SLC14A2: variants seen among roughly 807,000 people sequenced by gnomAD.
SLC14A2 encodes urea transporter 2.
In SLC14A2, 91 loss-of-function variants were observed where a neutral mutation model predicts 104.6. The ratio of observed to expected loss-of-function variants is 0.87; its 90% CI spans 0.73 to 1.04. The LOEUF (loss-of-function observed/expected upper bound fraction) is 1.04, where lower values mean the gene tolerates loss of function less well. Ranked by LOEUF, SLC14A2 falls within the 50% of genes least tolerant of loss-of-function variation. The pLI is 0.00. For missense variants in SLC14A2, 1,189 were observed against 1,156.0 expected (o/e 1.03, Z -0.41); for synonymous variants, 476 against 466.4 (o/e 1.02, Z -0.27).
At chr18:45,362,370 A>G (rs2144330237) in intron 1 of SLC14A2, among the ~76,000 whole-genome samples, 1 of 152,302 alleles carries the variant, frequency 6.6e-6, no homozygotes, top group Non-Finnish European at 1.5e-5. Flanking sequence ...GATCTCCTCC[A>G]CTGACAGGAA....
intron 1 of SLC14A2, among the ~76,000 whole-genome samples, chr18:45,421,365 A>G (rs1366572948): frequency 3.3e-5 from 5 of 151,788 alleles, no homozygotes; most frequent in Admixed American, 1.3e-4. Flanking sequence ...ACAGTTTTGC[A>G]TAATATTTAA....
chr18:45,433,160 T>G (rs150597136), intron 1 of SLC14A2, among the ~76,000 whole-genome samples: 1,832 of 152,186 alleles, frequency 0.012, 26 homozygotes, highest in South Asian at 0.072. Context: ...ACCCCAACAT[T>G]TACTACCAAG....
intron 1 of SLC14A2, among the ~76,000 whole-genome samples, chr18:45,340,632 A>C (rs2085384365): frequency 6.6e-6 from 1 of 152,214 alleles, no homozygotes; most frequent in African/African-American, 2.4e-5. Flanking sequence ...TTACAATACA[A>C]CTTTCCTGGT....
At chr18:45,567,043 A>G (rs1318080899) in intron 2 of SLC14A2, among the ~76,000 whole-genome samples, 2 of 147,628 alleles carry the variant, frequency 1.4e-5, no homozygotes, top group Non-Finnish European at 3.0e-5. Flanking sequence ...ATAGCTGAGG[A>G]CATGTGCACA....
At chr18:45,226,732 G>A (rs1300697264) in intron 1 of SLC14A2, among the ~76,000 whole-genome samples, 1 of 151,826 alleles carries the variant, frequency 6.6e-6, no homozygotes, top group Non-Finnish European at 1.5e-5. Context: ...GAGTTAATGG[G>A]TGCAGCACAC....
At chr18:45,536,221 A>C (rs931048512) in intron 2 of SLC14A2, among the ~76,000 whole-genome samples, 3 of 152,348 alleles carry the variant, frequency 2.0e-5, no homozygotes, top group African/African-American at 7.2e-5. Flanking sequence ...GATGGCTCTG[A>C]GACAAGAGTG....
intron 1 of SLC14A2, among the ~76,000 whole-genome samples, chr18:45,443,330 A>G (rs1193948891): frequency 6.6e-6 from 1 of 152,254 alleles, no homozygotes; most frequent in Non-Finnish European, 1.5e-5. Context: ...TAGGTTCAGC[A>G]AAGTAAGGAT....
chr18:45,242,051 T>A (rs2084323429), intron 1 of SLC14A2, among the ~76,000 whole-genome samples: 1 of 152,104 alleles, frequency 6.6e-6, no homozygotes, highest in South Asian at 2.1e-4. Context: ...CCTAGGACAG[T>A]GTTTCAGAGC....
Position 45,410,632 on chromosome 18 carries a change from TG to T in SLC14A2, c.-124-72600del, listed in dbSNP as rs370001865. 6.6e-3 allele frequency among the ~76,000 whole-genome samples: 1,009 copies of T among 152,298 alleles called. 9 individuals carry two copies. Among genetic ancestry groups the T allele is most frequent in the African/African-American group, 0.023 (955 of 41,562 alleles). ...TATTTCTCTATATTATATATACAGT[TG>T]ATCATCATTGTTTGTGGATTCCATA... On this transcript the variant is annotated intron_variant, in intron 1 of 20. Transcript: ENST00000586448.
chr18:45,176,191 C>T, the SLC14A2 span, among the ~76,000 whole-genome samples: 1 of 152,148 alleles, frequency 6.6e-6, no homozygotes, highest in African/African-American at 2.4e-5. Flanking sequence ...TCCTAAGCAC[C>T]AGGCATCAGC....
chr18:45,300,775 A>G (rs978812712), intron 1 of SLC14A2, among the ~76,000 whole-genome samples: 1 of 152,190 alleles, frequency 6.6e-6, no homozygotes, highest in Non-Finnish European at 1.5e-5. Flanking sequence ...AGAAACATAG[A>G]TGGGAAGTGC....
Position 45,624,819 on chromosome 18 carries a change from G to A in SLC14A2, c.150+5G>A. 6.2e-7 allele frequency: 1 copy of A among 1,609,990 alleles called. No homozygotes were observed. Among genetic ancestry groups the A allele is most frequent in the Admixed American group, 1.7e-5 (1 of 59,590 alleles). ...CTGGAAATGCCTGAAGAAAAGGTGA[G>A]AAGTGTCCCTCCTAGGATGTTTCCT... On this transcript the variant is annotated splice_donor_5th_base_variant and intron_variant, in intron 2 of 19. Coordinates refer to ENST00000255226, the MANE Select transcript of SLC14A2 (RefSeq NM_007163.4).
At chr18:45,671,814 C>T (rs879291472) in intron 16 of SLC14A2, among the ~76,000 whole-genome samples, 3 of 151,972 alleles carry the variant, frequency 2.0e-5, no homozygotes, top group Non-Finnish European at 4.4e-5. Context: ...TACAGGGACT[C>T]GCCCCAGGAC....
At chr18:45,226,111 A>T (rs1223483686) in intron 1 of SLC14A2, among the ~76,000 whole-genome samples, 1 of 152,208 alleles carries the variant, frequency 6.6e-6, no homozygotes, top group Non-Finnish European at 1.5e-5. Flanking sequence ...AATCAAAACC[A>T]CAATGAGATA....
intron 1 of SLC14A2, among the ~76,000 whole-genome samples, chr18:45,344,942 A>T: frequency 6.6e-6 from 1 of 152,168 alleles, no homozygotes; most frequent in Non-Finnish European, 1.5e-5. Flanking sequence ...TGCCATCAGG[A>T]GACTGAACCG....
At chr18:45,406,676 TA>T in intron 1 of SLC14A2, among the ~76,000 whole-genome samples, 1 of 152,218 alleles carries the variant, frequency 6.6e-6, no homozygotes, top group Non-Finnish European at 1.5e-5. Flanking sequence ...CCTTGATCCA[TA>T]ACTCCTTGAT....
At chr18:45,678,214 C>G (rs2144663329) in intron 18 of SLC14A2, among the ~76,000 whole-genome samples, 1 of 152,284 alleles carries the variant, frequency 6.6e-6, no homozygotes, top group South Asian at 2.1e-4. Context: ...GCTGAACAGT[C>G]ATATTATTTC....
Position 45,337,750 on chromosome 18 carries a change from T to G in SLC14A2, c.-125+124559T>G, listed in dbSNP as rs140962726. Among the ~76,000 whole-genome samples, 765 of 152,346 alleles carry G rather than the reference T, an allele frequency of 5.0e-3. 6 individuals are homozygous for G. Among genetic ancestry groups the G allele is most frequent in the African/African-American group, 0.018 (737 of 41,586 alleles). On this transcript the variant is annotated intron_variant, in intron 1 of 20. Coordinates refer to the SLC14A2 transcript ENST00000586448. ...ACCAAATTCTAACCTGACTCTGGCA[T>G]AGCATCACATGACAGATAGCTGACC...
intron 2 of SLC14A2, among the ~76,000 whole-genome samples, chr18:45,606,307 A>G (rs1241753060): frequency 1.3e-5 from 2 of 152,220 alleles, no homozygotes; most frequent in African/African-American, 4.8e-5. Flanking sequence ...ATGAGAGTTC[A>G]GCATAGGAAA....
Sources: allele counts gnomAD v4.1 joint callset (sites outside exome capture counted in the v4.1 genomes callset), GRCh38; gene constraint gnomAD v4.1.1; transcripts MANE v1.5; gene names NCBI Gene and HGNC (gene_info 2026-07-23, HGNC 2026-07-21).